The following GPC6 variants were observed in gnomAD, a reference collection of about 807,000 sequenced individuals.
GPC6 encodes the protein glypican-6.
GPC6 carries 14 observed loss-of-function variants against 55.2 expected under a neutral mutation model. The ratio of observed to expected loss-of-function variants is 0.25; its 90% CI spans 0.17 to 0.40. The LOEUF (loss-of-function observed/expected upper bound fraction) is 0.40. GPC6 is among the 10% of genes least tolerant of loss of function. The probability of loss-of-function intolerance (pLI) is 1.00; values close to 1 mark genes in which losing one functional copy is unlikely to be tolerated. For missense variants in GPC6, 641 were observed against 708.5 expected (o/e 0.90, Z 1.08); for synonymous variants, 278 against 259.6 (o/e 1.07, Z -0.68).
At chr13:94,127,039 T>C (rs920205345) in intron 4 of GPC6, among the ~76,000 whole-genome samples, 1 of 152,150 alleles carries the variant, frequency 6.6e-6, no homozygotes, top group Non-Finnish European at 1.5e-5. Context: ...TAGTCATTTT[T>C]CAATATGGTA....
chr13:93,485,720 C>T (rs750954909), intron 1 of GPC6, among the ~76,000 whole-genome samples: 6 of 152,136 alleles, frequency 3.9e-5, no homozygotes, highest in South Asian at 2.1e-4. Context: ...ACAGGTGAGG[C>T]GGTTTGATGG....
At chr13:93,249,244 G>A (rs1442883131) in intron 1 of GPC6, among the ~76,000 whole-genome samples, 5 of 152,150 alleles carry the variant, frequency 3.3e-5, no homozygotes, top group Admixed American at 2.6e-4. Context: ...TGGTAATATC[G>A]CATCAGGGAA....
chr13:94,188,876 G>A (rs1199592024), intron 4 of GPC6, among the ~76,000 whole-genome samples: 4 of 152,168 alleles, frequency 2.6e-5, no homozygotes, highest in East Asian at 3.9e-4. Flanking sequence ...CTGGTCAGTC[G>A]TCAAAGGAGT....
intron 2 of GPC6, among the ~76,000 whole-genome samples, chr13:93,559,594 C>T (rs1875655933): frequency 6.6e-6 from 1 of 152,170 alleles, no homozygotes; most frequent in Non-Finnish European, 1.5e-5. Context: ...ATCCCAGAGC[C>T]TCTAGAGCTC....
intron 2 of GPC6, among the ~76,000 whole-genome samples, chr13:93,673,716 G>T (rs1881467470): frequency 6.6e-6 from 1 of 152,112 alleles, no homozygotes. Context: ...GGTCATAGTA[G>T]AAAAAATGTT....
At chr13:93,824,929 T>A (rs1268053382) in intron 2 of GPC6, among the ~76,000 whole-genome samples, 1 of 152,140 alleles carries the variant, frequency 6.6e-6, no homozygotes, top group Non-Finnish European at 1.5e-5. Context: ...TACATGGAAA[T>A]GGGAGTATTG....
chr13:94,112,013 T>C (rs1306458606), intron 4 of GPC6, among the ~76,000 whole-genome samples: 4 of 152,120 alleles, frequency 2.6e-5, no homozygotes, highest in Non-Finnish European at 5.9e-5. Flanking sequence ...ACCACTGTTT[T>C]TCTTTACTCT....
chr13:93,502,058 A>G (rs188528673), intron 1 of GPC6, among the ~76,000 whole-genome samples: 45 of 152,246 alleles, frequency 3.0e-4, no homozygotes, highest in African/African-American at 1.1e-3. Context: ...CTAAAGTAAT[A>G]GACCCAGGCA....
intron 2 of GPC6, among the ~76,000 whole-genome samples, chr13:93,594,653 C>G (rs1484336480): frequency 6.6e-6 from 1 of 151,822 alleles, no homozygotes; most frequent in Non-Finnish European, 1.5e-5. Context: ...TTCAGGTTGC[C>G]ATAACAAAAT....
chr13:94,276,571 C>A (rs965138382), intron 4 of GPC6, among the ~76,000 whole-genome samples: 8 of 151,980 alleles, frequency 5.3e-5, no homozygotes, highest in African/African-American at 1.7e-4. Flanking sequence ...CACCTGTTGA[C>A]CCATCCTCTA....
rs78464344 is a variant in GPC6, at chr13:93,570,735, T to C, written c.319+25314T>C. ...TTTGGGAATTCTGAATTTGCCAACA[T>C]TGGACGCATTTACAAAGAAGCTACA... On this transcript the variant is annotated intron_variant, in intron 2 of 8. Coordinates refer to ENST00000377047, the MANE Select transcript of GPC6 (RefSeq NM_005708.5). Among the ~76,000 whole-genome samples, 59 of 152,240 alleles carry C rather than the reference T, an allele frequency of 3.9e-4. No homozygotes were observed. In the East Asian group the frequency reaches 0.011, roughly 27 times the overall value.
intron 2 of GPC6, among the ~76,000 whole-genome samples, chr13:93,704,354 AGCCACAAT>A (rs1368028679): frequency 1.3e-5 from 2 of 151,992 alleles, no homozygotes; most frequent in Non-Finnish European, 2.9e-5. Flanking sequence ...TTTCTTTTTG[AGCCACAAT>A]GCAAAATAAA....
At chr13:94,068,535 A>G (rs1020450837) in intron 4 of GPC6, among the ~76,000 whole-genome samples, 10 of 152,184 alleles carry the variant, frequency 6.6e-5, no homozygotes, top group African/African-American at 9.6e-5. Context: ...GCATTAATTC[A>G]AAAGTCCACA....
chr13:94,009,765 G>A (rs1290152618), intron 3 of GPC6, among the ~76,000 whole-genome samples: 1 of 152,124 alleles, frequency 6.6e-6, no homozygotes. Context: ...ATGGAAATGG[G>A]ACTCAGGAAG....
At chr13:93,694,844 C>T (rs1276942059) in intron 2 of GPC6, among the ~76,000 whole-genome samples, 1 of 152,038 alleles carries the variant, frequency 6.6e-6, no homozygotes, top group Non-Finnish European at 1.5e-5. Flanking sequence ...ACAACATTCA[C>T]CTATGTTGTC....
intron 4 of GPC6, among the ~76,000 whole-genome samples, chr13:94,099,767 T>C (rs904018383): frequency 6.6e-6 from 1 of 152,174 alleles, no homozygotes; most frequent in Non-Finnish European, 1.5e-5. Context: ...TTGCTTTTGG[T>C]TGATGTAAAT....
chr13:93,519,652 C>T (rs914379665), intron 1 of GPC6, among the ~76,000 whole-genome samples: 1 of 151,998 alleles, frequency 6.6e-6, no homozygotes, highest in African/African-American at 2.4e-5. Context: ...AGTTTGATTG[C>T]ATTCCAGTCT....
chr13:93,556,426 A>G (rs921209884), intron 2 of GPC6, among the ~76,000 whole-genome samples: 1 of 146,220 alleles, frequency 6.8e-6, no homozygotes, highest in Non-Finnish European at 1.5e-5. Flanking sequence ...ATATATATAT[A>G]TATATATTTT....
chr13:93,468,491 G>T (rs1160674302), intron 1 of GPC6, among the ~76,000 whole-genome samples: 1 of 151,504 alleles, frequency 6.6e-6, no homozygotes, highest in African/African-American at 2.4e-5. Flanking sequence ...TATAATTCGG[G>T]GCTGGGGACT....
Sources: allele counts gnomAD v4.1 joint callset (sites outside exome capture counted in the v4.1 genomes callset), GRCh38; gene constraint gnomAD v4.1.1; transcripts MANE v1.5; gene names NCBI Gene and HGNC (gene_info 2026-07-23, HGNC 2026-07-21).